Variants in RNGTT observed in about 807,000 individuals in gnomAD.
The protein encoded by RNGTT is mRNA-capping enzyme.
A neutral mutation model predicts 79.3 loss-of-function variants in RNGTT; 33 were observed. That is an observed-to-expected ratio of 0.42 (90% CI 0.32 to 0.56). The LOEUF is 0.56. Ranked by LOEUF, RNGTT falls within the 20% of genes least tolerant of loss-of-function variation. The pLI is 0.17. For missense variants in RNGTT, 497 were observed against 739.1 expected (o/e 0.67, Z 3.80); for synonymous variants, 222 against 235.9 (o/e 0.94, Z 0.54).
intron 13 of RNGTT, among the ~76,000 whole-genome samples, chr6:88,726,077 G>A (rs1776893220): frequency 6.6e-6 from 1 of 152,086 alleles, no homozygotes; most frequent in Non-Finnish European, 1.5e-5. Flanking sequence ...AGAAAAGAGT[G>A]TATCCTATTC....
intron 14 of RNGTT, among the ~76,000 whole-genome samples, chr6:88,621,148 C>T (rs772106099): frequency 9.9e-5 from 15 of 152,178 alleles, no homozygotes; most frequent in Non-Finnish European, 1.6e-4. Flanking sequence ...CCTTTTCATT[C>T]ATCCTTTCTG....
At chr6:88,755,664 T>C (rs1777987096) in intron 13 of RNGTT, among the ~76,000 whole-genome samples, 1 of 150,932 alleles carries the variant, frequency 6.6e-6, no homozygotes, top group Admixed American at 6.6e-5. Context: ...GAGGGGAGGA[T>C]GAAAAGAACA....
intron 8 of RNGTT, among the ~76,000 whole-genome samples, chr6:88,863,496 A>G (rs1222126888): frequency 1.3e-5 from 2 of 152,164 alleles, no homozygotes; most frequent in Non-Finnish European, 2.9e-5. Context: ...TACCTACCAT[A>G]AAGAATCAAA....
chr6:88,855,424 G>C (rs572702222), intron 8 of RNGTT, among the ~76,000 whole-genome samples: 4 of 151,142 alleles, frequency 2.6e-5, no homozygotes, highest in African/African-American at 9.7e-5. Flanking sequence ...CAGCATGGAA[G>C]ACCAAAGGGG....
chr6:88,889,059 C>A (rs1782960463), intron 8 of RNGTT, among the ~76,000 whole-genome samples: 1 of 152,082 alleles, frequency 6.6e-6, no homozygotes. Context: ...AAAACCACAC[C>A]TGCCATATAA....
At chr6:88,805,153 A>G (rs1360099593) in intron 11 of RNGTT, among the ~76,000 whole-genome samples, 1 of 152,236 alleles carries the variant, frequency 6.6e-6, no homozygotes, top group Non-Finnish European at 1.5e-5. Context: ...TCTGCAGGCA[A>G]CCAAATAAAC....
At chr6:88,931,716 A>G (rs996192863) in intron 2 of RNGTT, among the ~76,000 whole-genome samples, 1 of 152,194 alleles carries the variant, frequency 6.6e-6, no homozygotes. Context: ...ATCCCATCTC[A>G]ATAAGTCAAC....
At chr6:88,927,724 C>T (rs1477631599) in intron 4 of RNGTT, among the ~76,000 whole-genome samples, 2 of 150,962 alleles carry the variant, frequency 1.3e-5, no homozygotes, top group Non-Finnish European at 2.9e-5. Context: ...ATCCCAGCTA[C>T]TCAGGGGGCT....
chr6:88,771,064 C>T (rs1157032771), intron 12 of RNGTT, among the ~76,000 whole-genome samples: 1 of 151,556 alleles, frequency 6.6e-6, no homozygotes, highest in Non-Finnish European at 1.5e-5. Context: ...TTTTCATTTT[C>T]TAAATAATTT....
intron 1 of RNGTT, among the ~76,000 whole-genome samples, chr6:88,949,179 G>GAAAAAAAAAAAAAAAAAAAA (rs1785157048): frequency 1.9e-5 from 1 of 51,326 alleles, no homozygotes; most frequent in African/African-American, 8.2e-5. Flanking sequence ...AAAAAAAAAA[G>GAAAAAAAAAAAAAAAAAAAA]AAAATGAAAA....
At chr6:88,957,407 T>C (rs184761920) in intron 1 of RNGTT, among the ~76,000 whole-genome samples, 2 of 152,288 alleles carry the variant, frequency 1.3e-5, no homozygotes, top group African/African-American at 4.8e-5. Context: ...GGCATCCAAA[T>C]TGGTAAAGAG....
chr6:88,788,808 C>A lies in RNGTT; in HGVS notation c.1338+12756G>T, dbSNP rs137941787. ...TCTACTTTGTTTGAATCCAGGCTTT[C>A]ATGATGATTAATGACTGCTCTGTGT... is the stretch of plus-strand genomic sequence containing the variant. On this transcript the variant is annotated intron_variant, in intron 12 of 15. Coordinates refer to ENST00000369485, the MANE Select transcript of RNGTT (RefSeq NM_003800.5). Among the ~76,000 whole-genome samples, 762 of 152,290 alleles carry A rather than the reference C, an allele frequency of 5.0e-3. 5 individuals carry two copies. The highest frequency in any genetic ancestry group is 0.017 in the African/African-American group (705 of 41,574).
chr6:88,926,249 C>G (rs994859081), intron 4 of RNGTT, among the ~76,000 whole-genome samples: 3 of 152,152 alleles, frequency 2.0e-5, no homozygotes, highest in Non-Finnish European at 4.4e-5. Context: ...CCTTTACCAC[C>G]AGGAACTAGT....
At chr6:88,813,799 A>T (rs1780220842) in intron 11 of RNGTT, among the ~76,000 whole-genome samples, 1 of 152,252 alleles carries the variant, frequency 6.6e-6, no homozygotes, top group Middle Eastern at 3.4e-3. Flanking sequence ...ATAAACTATC[A>T]AAGTATCCTA....
intron 2 of RNGTT, among the ~76,000 whole-genome samples, chr6:88,936,073 T>C (rs1010453644): frequency 2.0e-5 from 3 of 152,176 alleles, no homozygotes; most frequent in African/African-American, 4.8e-5. Context: ...GAACACACCA[T>C]TGTGCCTGGA....
intron 14 of RNGTT, among the ~76,000 whole-genome samples, chr6:88,659,610 T>TA (rs111951040): frequency 0.15 from 21,742 of 144,388 alleles, 5,166 homozygotes; most frequent in African/African-American, 0.51. Flanking sequence ...GAAAAAGAAT[T>TA]AAAAAAAAAA....
chr6:88,874,655 C>T (rs983469650), intron 8 of RNGTT, among the ~76,000 whole-genome samples: 1 of 149,944 alleles, frequency 6.7e-6, no homozygotes, highest in African/African-American at 2.4e-5. Context: ...ATCACAGAAT[C>T]GTAAAAAAAA....
At chr6:88,752,417 AAATAT>A (rs1359967622) in intron 13 of RNGTT, among the ~76,000 whole-genome samples, 2 of 152,148 alleles carry the variant, frequency 1.3e-5, no homozygotes, top group Admixed American at 6.5e-5. Context: ...CTAGCAATAA[AAATAT>A]AGGAATTTCA....
chr6:88,871,981 T>G (rs1185091836), intron 8 of RNGTT, among the ~76,000 whole-genome samples: 1 of 152,156 alleles, frequency 6.6e-6, no homozygotes, highest in Non-Finnish European at 1.5e-5. Context: ...GAATTCCATT[T>G]TTTTTCTTAC....
Sources: allele counts gnomAD v4.1 joint callset (sites outside exome capture counted in the v4.1 genomes callset), GRCh38; gene constraint gnomAD v4.1.1; transcripts MANE v1.5; gene names NCBI Gene and HGNC (gene_info 2026-07-23, HGNC 2026-07-21).